NCAM2: variants seen among roughly 807,000 people sequenced by gnomAD.
The protein encoded by NCAM2 is neural cell adhesion molecule 2, also known as N-CAM-2.
In NCAM2, 30 loss-of-function variants were observed where a neutral mutation model predicts 98.1. The observed-to-expected ratio is 0.31, with a 90% CI of 0.23 to 0.41. The LOEUF (loss-of-function observed/expected upper bound fraction) is 0.41. NCAM2 is among the 10% of genes least tolerant of loss of function. The pLI, the probability that NCAM2 is intolerant of heterozygous loss-of-function variation, is 1.00. For missense variants in NCAM2, 867 were observed against 1,005.8 expected, an observed-to-expected ratio of 0.86 and a Z score of 1.87; for synonymous variants, 368 against 342.4, an observed-to-expected ratio of 1.07 and a Z score of -0.83.
At chr21:21,489,228 C>T (rs908991343) in intron 15 of NCAM2, among the ~76,000 whole-genome samples, 1 of 152,148 alleles carries the variant, frequency 6.6e-6, no homozygotes, top group African/African-American at 2.4e-5. Flanking sequence ...CTCCTGAACC[C>T]AATTGATCCT....
At chr21:21,353,722 G>GT (rs2075400206) in intron 8 of NCAM2, among the ~76,000 whole-genome samples, 2 of 152,158 alleles carry the variant, frequency 1.3e-5, no homozygotes, top group African/African-American at 4.8e-5. Context: ...AAGTGAGTCA[G>GT]TTTTTTCCTT....
At chr21:21,444,646 T>C (rs1602360479) in intron 12 of NCAM2, among the ~76,000 whole-genome samples, 1 of 152,160 alleles carries the variant, frequency 6.6e-6, no homozygotes, top group Non-Finnish European at 1.5e-5. Flanking sequence ...TATTCTCTGA[T>C]GGTAGTTTGA....
At position 21,192,868 on chromosome 21, in the gene NCAM2, G is replaced by A. The variant is rs1010153289; in HGVS notation, c.56-87710G>A. 3.3e-5 allele frequency among the ~76,000 whole-genome samples: 5 copies of A among 152,220 alleles called. No homozygotes were observed. In the East Asian group the frequency reaches 5.8e-4, roughly 18 times the overall value. ...GAGTCTTGAAAGAAAGAGGTTTCCT[G>A]GACCAGAACACCAGGTTCAAGATAT... On this transcript the variant is annotated intron_variant, in intron 1 of 17. Coordinates refer to ENST00000400546, the MANE Select transcript of NCAM2 (RefSeq NM_004540.5).
chr21:21,321,609 T>G (rs1394112918), intron 5 of NCAM2, among the ~76,000 whole-genome samples: 1 of 152,122 alleles, frequency 6.6e-6, no homozygotes, highest in Non-Finnish European at 1.5e-5. Context: ...TGAAAGATAG[T>G]GGTCCAGTTG....
At chr21:21,450,375 G>A (rs1417790670) in intron 12 of NCAM2, among the ~76,000 whole-genome samples, 3 of 151,338 alleles carry the variant, frequency 2.0e-5, no homozygotes, top group East Asian at 1.9e-4. Flanking sequence ...ACAGGGTTTC[G>A]CTCTATCACC....
intron 9 of NCAM2, among the ~76,000 whole-genome samples, chr21:21,396,761 G>A (rs1165575753): frequency 6.6e-6 from 1 of 152,184 alleles, no homozygotes; most frequent in Non-Finnish European, 1.5e-5. Context: ...GGGGAATGCA[G>A]TGGTGCCCGA....
intron 1 of NCAM2, among the ~76,000 whole-genome samples, chr21:21,205,044 A>G (rs2069383692): frequency 6.6e-6 from 1 of 151,978 alleles, no homozygotes; most frequent in African/African-American, 2.4e-5. Context: ...ATATATATAT[A>G]TGCAAGTGAA....
chr21:21,008,391 C>T (rs185133442), intron 1 of NCAM2, among the ~76,000 whole-genome samples: 10 of 152,192 alleles, frequency 6.6e-5, no homozygotes, highest in African/African-American at 1.7e-4. Flanking sequence ...AATGTATATA[C>T]GATATGTTGT....
chr21:21,319,022 G>A (rs993050103), intron 5 of NCAM2, among the ~76,000 whole-genome samples: 1 of 152,082 alleles, frequency 6.6e-6, no homozygotes, highest in Non-Finnish European at 1.5e-5. Context: ...CCTGAGGCAG[G>A]AGTACTGCTT....
chr21:21,246,307 C>T (rs2071268987), intron 1 of NCAM2, among the ~76,000 whole-genome samples: 1 of 151,920 alleles, frequency 6.6e-6, no homozygotes, highest in Non-Finnish European at 1.5e-5. Flanking sequence ...CTCAGCTAAG[C>T]CACTCCTGAG....
intron 11 of NCAM2, among the ~76,000 whole-genome samples, chr21:21,429,815 G>A (rs2077290933): frequency 6.6e-6 from 1 of 151,982 alleles, no homozygotes; most frequent in African/African-American, 2.4e-5. Context: ...TACTTCATAG[G>A]CTCTCTAAAT....
rs1000172950 is a variant in NCAM2, at chr21:21,289,510, C to T, written c.482-2594C>T. Among the ~76,000 whole-genome samples, 4 of 151,798 alleles carry T rather than the reference C, an allele frequency of 2.6e-5. No homozygotes were observed. The South Asian group carries it at 6.2e-4, about 24-fold the overall frequency. On this transcript the variant is annotated intron_variant, in intron 4 of 17. Transcript: ENST00000400546. Reference sequence around the variant, plus strand: ...TATACACACGTATTAGCCAGGCAAACGTCGGTGCGGAATTTTCAGGAAGAG... The same window carrying T: ...TATACACACGTATTAGCCAGGCAAATGTCGGTGCGGAATTTTCAGGAAGAG...
intron 17 of NCAM2, among the ~76,000 whole-genome samples, chr21:21,536,905 T>C (rs1220996871): frequency 6.6e-6 from 1 of 152,018 alleles, no homozygotes; most frequent in African/African-American, 2.4e-5. Flanking sequence ...TAAGTTACAA[T>C]TGCAAACAAC....
At chr21:21,115,344 T>C (rs1228523322) in intron 1 of NCAM2, among the ~76,000 whole-genome samples, 1 of 152,168 alleles carries the variant, frequency 6.6e-6, no homozygotes, top group African/African-American at 2.4e-5. Flanking sequence ...AGAATCCTTA[T>C]TGTTAAATTA....
chr21:21,236,259 A>G (rs984636751), intron 1 of NCAM2, among the ~76,000 whole-genome samples: 1 of 151,740 alleles, frequency 6.6e-6, no homozygotes, highest in Non-Finnish European at 1.5e-5. Context: ...TAATAGAGTA[A>G]TTTCTGCTAA....
At chr21:21,300,226 C>T (rs972997916) in intron 5 of NCAM2, among the ~76,000 whole-genome samples, 4 of 151,906 alleles carry the variant, frequency 2.6e-5, no homozygotes, top group Admixed American at 1.3e-4. Flanking sequence ...GAGACAATCC[C>T]CTGCACAAGA....
At chr21:21,329,409 T>C (rs1047282026) in intron 6 of NCAM2, among the ~76,000 whole-genome samples, 1 of 152,184 alleles carries the variant, frequency 6.6e-6, no homozygotes, top group Admixed American at 6.5e-5. Flanking sequence ...CCATATAGTT[T>C]AGGTGTGTAA....
chr21:21,472,432 G>T (rs1367134143), intron 14 of NCAM2, among the ~76,000 whole-genome samples: 2 of 152,080 alleles, frequency 1.3e-5, no homozygotes, highest in East Asian at 3.9e-4. Context: ...TATGTACATG[G>T]AAATTTATTT....
chr21:21,112,032 T>G (rs2066464479), intron 1 of NCAM2, among the ~76,000 whole-genome samples: 1 of 152,246 alleles, frequency 6.6e-6, no homozygotes, highest in Non-Finnish European at 1.5e-5. Context: ...ATGTTGAATG[T>G]TGCCCAACTT....
Sources: allele counts gnomAD v4.1 joint callset (sites outside exome capture counted in the v4.1 genomes callset), GRCh38; gene constraint gnomAD v4.1.1; transcripts MANE v1.5; gene names NCBI Gene and HGNC (gene_info 2026-07-23, HGNC 2026-07-21).